HIRA: variants seen among roughly 807,000 people sequenced by gnomAD.
HIRA encodes protein HIRA.
A neutral mutation model predicts 126.6 loss-of-function variants in HIRA; 13 were observed. That is an observed-to-expected ratio of 0.10 (90% CI 0.07 to 0.16). The LOEUF (loss-of-function observed/expected upper bound fraction) is 0.16, where lower values mean the gene tolerates loss of function less well. Ranked by LOEUF, HIRA falls within the 10% of genes least tolerant of loss-of-function variation. The pLI, the probability that HIRA is intolerant of heterozygous loss-of-function variation, is 1.00. For synonymous variants in HIRA, 511 were observed against 520.0 expected, an observed-to-expected ratio of 0.98 and a Z score of 0.24; for missense variants, 834 against 1,314.4, an observed-to-expected ratio of 0.63 and a Z score of 5.65.
chr22:19,392,219 A>G lies in HIRA; in HGVS notation c.823-5T>C, dbSNP rs776429719. On this transcript the variant is annotated splice_polypyrimidine_tract_variant and splice_region_variant and intron_variant, in intron 8 of 24. Transcript: ENST00000263208. Reference sequence around the variant, plus strand: ...GAAGATTTTTGGGTTGAATTTCTAAAGCCAAATAACAGATGTTAAAAATAA... The same window carrying G: ...GAAGATTTTTGGGTTGAATTTCTAAGGCCAAATAACAGATGTTAAAAATAA... 105 of 1,570,294 alleles carry G rather than the reference A, an allele frequency of 6.7e-5. No homozygotes were observed. Among genetic ancestry groups the G allele is most frequent in the Non-Finnish European group, 8.9e-5 (101 of 1,141,226 alleles).
At chr22:19,357,439 G>A (rs1461637143) in intron 18 of HIRA, among the ~76,000 whole-genome samples, 4 of 152,230 alleles carry the variant, frequency 2.6e-5, no homozygotes, top group Admixed American at 2.6e-4. Flanking sequence ...GACCAGTCCT[G>A]AGAAGGTCTC....
At chr22:19,344,003 C>T (rs543421654) in intron 24 of HIRA, among the ~76,000 whole-genome samples, 3 of 152,098 alleles carry the variant, frequency 2.0e-5, no homozygotes, top group South Asian at 4.2e-4. Context: ...TGAGCCACCA[C>T]GCCTGGCTGA....
In HIRA at chr22:19,410,269, T is replaced by C. The variant is rs2089341865; in HGVS notation, c.100+447A>G. Among the ~76,000 whole-genome samples the C allele has an allele frequency of 2.6e-5, 4 of 152,354 alleles. No homozygotes were observed. The South Asian group carries it at 6.2e-4, about 24-fold the overall frequency. On this transcript the variant is annotated intron_variant, in intron 2 of 24. Transcript: ENST00000263208. ...TTACTTGCCCACAGTGTGCTTTCTC[T>C]TTAACCTAACTGAATTCCTTTGACG...
intron 8 of HIRA, 122 bp downstream of exon 8, chr22:19,394,220 G>C (rs2089205197): frequency 8.3e-7 from 1 of 1,205,516 alleles, no homozygotes; most frequent in Admixed American, 2.4e-5. Context: ...AATCAACCAA[G>C]TACATACTCT....
intron 24 of HIRA, among the ~76,000 whole-genome samples, chr22:19,343,188 A>G (rs1239568886): frequency 2.6e-5 from 4 of 152,162 alleles, no homozygotes; most frequent in Admixed American, 6.5e-5. Flanking sequence ...CAAAAAAAGA[A>G]AAAAAGCAAC....
chr22:19,346,053 GA>G (rs2088683244), intron 24 of HIRA, among the ~76,000 whole-genome samples: 1 of 152,216 alleles, frequency 6.6e-6, no homozygotes, highest in Non-Finnish European at 1.5e-5. Flanking sequence ...TCAAAAAAGG[GA>G]AACACAAGCG....
intron 1 of HIRA, among the ~76,000 whole-genome samples, chr22:19,423,823 T>G (rs1691025045): frequency 6.6e-6 from 1 of 152,204 alleles, no homozygotes; most frequent in African/African-American, 2.4e-5. Context: ...TAAAACCATT[T>G]GCTATCTGTT....
intron 24 of HIRA, among the ~76,000 whole-genome samples, chr22:19,339,027 T>C (rs1476951250): frequency 5.3e-5 from 8 of 152,210 alleles, no homozygotes; most frequent in African/African-American, 1.7e-4. Flanking sequence ...CATGGAACAT[T>C]CTCCAAGAAA....
At chr22:19,349,066 G>A (rs1361332715) in intron 24 of HIRA, among the ~76,000 whole-genome samples, 2 of 151,932 alleles carry the variant, frequency 1.3e-5, no homozygotes, top group Non-Finnish European at 2.9e-5. Flanking sequence ...TTATAGGCAT[G>A]AGCCACCACG....
chr22:19,349,541 G>GAA (rs1270289141), intron 24 of HIRA, among the ~76,000 whole-genome samples: 1 of 152,176 alleles, frequency 6.6e-6, no homozygotes, highest in African/African-American at 2.4e-5. Flanking sequence ...TGAGCTTTCT[G>GAA]AATCTTCAAA....
chr22:19,337,439 T>C (rs1394608515), intron 24 of HIRA, among the ~76,000 whole-genome samples: 2 of 151,902 alleles, frequency 1.3e-5, no homozygotes, highest in African/African-American at 4.8e-5. Flanking sequence ...GACAAGACTT[T>C]GAATCAGACA....
chr22:19,359,471 G>T lies in HIRA; in HGVS notation c.2099C>A (p.Pro700His), dbSNP rs1002459398. Residue 700 changes from proline (P) to histidine (H), a missense_variant, in exon 18 of 25, where the codon CCT (proline) becomes CAT (histidine). By Grantham distance (77) the Pro-to-His change is moderately conservative. Coordinates refer to ENST00000263208, the MANE Select transcript of HIRA (RefSeq NM_003325.4). The part of the protein sequence containing the change: ...RAFTLQVSSD[P>H]SMYIEVENEV... Reference sequence around the variant, plus strand: ...ATTCTCCACCTCAATGTACATGGAAGGATCGGAGCTGACCTGGATGAAGTA... The same window carrying T: ...ATTCTCCACCTCAATGTACATGGAATGATCGGAGCTGACCTGGATGAAGTA... 1 of 1,606,176 alleles carries T rather than the reference G, an allele frequency of 6.2e-7. No homozygotes were observed. Among genetic ancestry groups the T allele is most frequent in the African/African-American group, 1.3e-5 (1 of 74,704 alleles).
chr22:19,360,045 T>A (rs142916718), intron 17 of HIRA, among the ~76,000 whole-genome samples: 3 of 152,256 alleles, frequency 2.0e-5, no homozygotes, highest in African/African-American at 7.2e-5. Flanking sequence ...ACAGCATGTA[T>A]GAAAAGCACC....
chr22:19,427,938 A>C (rs1259737313), intron 1 of HIRA, among the ~76,000 whole-genome samples: 1 of 152,252 alleles, frequency 6.6e-6, no homozygotes, highest in Non-Finnish European at 1.5e-5. Context: ...TTCTAAAATA[A>C]AATATATAGA....
At position 19,331,215 on chromosome 22, in the gene HIRA, G is replaced by A. The variant is rs782218698; in HGVS notation, c.*225C>T. 4.1e-6 allele frequency: 6 copies of A among 1,460,860 alleles called. No individual in the cohort carries two copies. The highest frequency in any genetic ancestry group is 1.2e-5 in the South Asian group (1 of 82,600). 90.5% of individuals were successfully genotyped at this position (1,460,860 alleles called of 1,614,324 possible). A position where few individuals can be genotyped will look rare whatever the true frequency, so the allele number is the denominator to read the frequency against. On this transcript the variant is annotated 3_prime_UTR_variant, in exon 25 of 25. Coordinates refer to ENST00000263208, the MANE Select transcript of HIRA (RefSeq NM_003325.4). ...AGAGCTCCAGCCCTAGCTCCGCATC[G>A]GGGGCTTGGAGGGAGGGATGAGCTT...
rs146446570 is a variant in HIRA at position 19,375,662 on chromosome 22, G to A, written c.1744C>T (p.Leu582=). Residue 582 remains leucine (L), a synonymous_variant, in exon 15 of 25, where the codon CTG becomes TTG. Transcript: ENST00000263208. The part of the protein sequence containing the change: ...RSKATPGAPA[L]TSMTPTAVER... ...ACAGCTGTCGGAGTCATGCTGGTCA[G>A]GGCAGGAGCACCTGGTGTGGCTTTG... is the stretch of plus-strand genomic sequence containing the variant. 4.2e-5 allele frequency: 67 copies of A among 1,614,084 alleles called. No individual in the cohort carries two copies. The African/African-American group carries it at 6.8e-4, about 16-fold the overall frequency.
intron 15 of HIRA, 40 bp downstream of exon 15, chr22:19,375,591 A>T: frequency 1.9e-6 from 3 of 1,608,678 alleles, no homozygotes; most frequent in Non-Finnish European, 2.6e-6. Context: ...CCATGCCTGC[A>T]CCCTGCCTGG....
At chr22:19,387,225 T>G (rs1288203761) in intron 11 of HIRA, among the ~76,000 whole-genome samples, 2 of 152,242 alleles carry the variant, frequency 1.3e-5, no homozygotes, top group African/African-American at 4.8e-5. Context: ...CCATGCTATT[T>G]TCTGAGGCTT....
At chr22:19,418,419 T>C (rs1309135367) in intron 1 of HIRA, among the ~76,000 whole-genome samples, 1 of 151,544 alleles carries the variant, frequency 6.6e-6, no homozygotes, top group African/African-American at 2.4e-5. Context: ...GGTCAGGAGA[T>C]TGAGACCATC....
Sources: allele counts gnomAD v4.1 joint callset (sites outside exome capture counted in the v4.1 genomes callset), GRCh38; gene constraint gnomAD v4.1.1; transcripts MANE v1.5; gene names NCBI Gene and HGNC (gene_info 2026-07-23, HGNC 2026-07-21).